Variants in RGS7 observed in about 807,000 individuals in gnomAD.
RGS7 encodes regulator of G protein signaling 7.
Under a neutral mutation model 81.1 loss-of-function variants are expected in RGS7, and 27 were observed. That is an observed-to-expected ratio of 0.33 (90% confidence interval 0.25 to 0.46). The LOEUF is 0.46. Ranked by LOEUF, RGS7 falls within the 20% of genes least tolerant of loss-of-function variation. The probability of loss-of-function intolerance (pLI) is 1.00; values close to 1 mark genes in which losing one functional copy is unlikely to be tolerated. For missense variants in RGS7, 396 were observed against 607.4 expected, an observed-to-expected ratio of 0.65 and a Z score of 3.66; for synonymous variants, 208 against 207.7, an observed-to-expected ratio of 1.00 and a Z score of -0.01.
At chr1:240,876,772 A>G (rs537495624) in intron 6 of RGS7, among the ~76,000 whole-genome samples, 7 of 152,164 alleles carry the variant, frequency 4.6e-5, no homozygotes, top group African/African-American at 1.4e-4. Context: ...ACCAGCCTGG[A>G]TAACATGGTG....
At chr1:240,877,956 G>T (rs1665725098) in intron 6 of RGS7, among the ~76,000 whole-genome samples, 1 of 152,104 alleles carries the variant, frequency 6.6e-6, no homozygotes, top group East Asian at 1.9e-4. Context: ...GATAGTCAGT[G>T]TACTCAAAAC....
Position 240,793,602 on chromosome 1 carries a change from TATA to T in RGS7, c.*6+7036_*6+7038del, listed in dbSNP as rs1475436617. Among the ~76,000 whole-genome samples the T allele has an allele frequency of 6.8e-4, 72 of 106,158 alleles. No individual in the cohort carries two copies. In the East Asian group the frequency reaches 9.0e-3, roughly 13 times the overall value. The allele number at this position is 106,158 out of a possible 152,430, so 69.6% of individuals were successfully genotyped here. A position where few individuals can be genotyped will look rare whatever the true frequency, so the allele number is the denominator to read the frequency against. ...TGTAGTAGGAATATATATATATATA[TATA>T]TATATATTTTTTTTTTTTTTTTGAG... On this transcript the variant is annotated intron_variant, in intron 18 of 18. Coordinates refer to ENST00000440928, the MANE Select transcript of RGS7 (RefSeq NM_001364886.1).
intron 3 of RGS7, among the ~76,000 whole-genome samples, chr1:240,993,093 A>AG (rs1553378564): frequency 5.9e-5 from 5 of 85,452 alleles, no homozygotes; most frequent in Admixed American, 1.3e-4. Flanking sequence ...GAAGGAAGGA[A>AG]GGAGGGAGGG....
intron 2 of RGS7, among the ~76,000 whole-genome samples, chr1:241,125,567 G>A (rs913691812): frequency 6.6e-6 from 1 of 152,096 alleles, no homozygotes; most frequent in African/African-American, 2.4e-5. Context: ...AATATGCTCT[G>A]CAAGGAATTT....
Position 241,220,977 on chromosome 1 carries a change from GGA to G in RGS7, c.79-122217_79-122216del, listed in dbSNP as rs1558202956. 2.0e-3 allele frequency among the ~76,000 whole-genome samples: 147 copies of G among 74,048 alleles called. 9 individuals are homozygous for G. In the East Asian group the frequency reaches 0.053, roughly 27 times the overall value. The allele number at this position is 74,048 out of a possible 152,430, so 48.6% of individuals were successfully genotyped here. A position where few individuals can be genotyped will look rare whatever the true frequency, so the allele number is the denominator to read the frequency against. On this transcript the variant is annotated intron_variant, in intron 2 of 18. Coordinates refer to ENST00000440928, the MANE Select transcript of RGS7 (RefSeq NM_001364886.1). ...AGGAAGGAAGGAAGGAAGGAAGGAA[GGA>G]AGGAAGGAAGGAAGGAAGAGAGAGA...
At chr1:240,823,973 G>A (rs773623203) in intron 10 of RGS7, among the ~76,000 whole-genome samples, 26 of 152,074 alleles carry the variant, frequency 1.7e-4, no homozygotes, top group Non-Finnish European at 3.1e-4. Context: ...TTCTGGCTAT[G>A]CTACATTATC....
At chr1:241,191,441 T>C (rs2072646234) in intron 2 of RGS7, among the ~76,000 whole-genome samples, 1 of 152,262 alleles carries the variant, frequency 6.6e-6, no homozygotes, top group Non-Finnish European at 1.5e-5. Context: ...TGAATCATCC[T>C]TGCATTTCTA....
chr1:241,246,100 T>C lies in RGS7; in HGVS notation c.78+109599A>G, dbSNP rs566502411. ...GCCTGGGGGACAGAGCGAGACTCTG[T>C]CTCAAAAATAAATAAATAAAAAACC... On this transcript the variant is annotated intron_variant, in intron 2 of 18. Transcript: ENST00000440928. Among the ~76,000 whole-genome samples, 4 of 152,090 alleles carry C rather than the reference T, an allele frequency of 2.6e-5. No individual in the cohort carries two copies. In the East Asian group the frequency reaches 5.8e-4, roughly 22 times the overall value.
chr1:241,073,855 C>T (rs1464694896), intron 3 of RGS7, among the ~76,000 whole-genome samples: 1 of 151,540 alleles, frequency 6.6e-6, no homozygotes. Flanking sequence ...CGTACCTTAG[C>T]GATAAAAGTA....
At chr1:240,915,561 A>C (rs1672468467) in intron 6 of RGS7, among the ~76,000 whole-genome samples, 1 of 152,214 alleles carries the variant, frequency 6.6e-6, no homozygotes, top group Non-Finnish European at 1.5e-5. Context: ...AGGAGATGTT[A>C]GCCTCTAAAG....
chr1:241,259,667 A>AAAAAAAAAAAAAAAAAAAAATAT, intron 2 of RGS7, among the ~76,000 whole-genome samples: 21 of 49,138 alleles, frequency 4.3e-4, no homozygotes, highest in Non-Finnish European at 5.8e-4. Flanking sequence ...AAAAAAAAAA[A>AAAAAAAAAAAAAAAAAAAAATAT]ATATATATAT....
intron 3 of RGS7, among the ~76,000 whole-genome samples, chr1:241,087,974 C>CTA (rs1267222305): frequency 7.5e-4 from 87 of 115,994 alleles, no homozygotes; most frequent in East Asian, 4.7e-3. Context: ...CTCTCTCTCT[C>CTA]TCTATATATA....
At chr1:241,180,160 G>A (rs1430083043) in intron 2 of RGS7, among the ~76,000 whole-genome samples, 1 of 152,012 alleles carries the variant, frequency 6.6e-6, no homozygotes, top group Non-Finnish European at 1.5e-5. Context: ...GGATCACGAG[G>A]TCAGATCGAG....
intron 3 of RGS7, among the ~76,000 whole-genome samples, chr1:240,998,009 T>A (rs1687553930): frequency 6.6e-6 from 1 of 152,180 alleles, no homozygotes; most frequent in South Asian, 2.1e-4. Context: ...ATTCTCTCAG[T>A]TTTCCTTCAT....
At chr1:240,896,805 T>C (rs550172613) in intron 6 of RGS7, among the ~76,000 whole-genome samples, 1 of 152,352 alleles carries the variant, frequency 6.6e-6, no homozygotes, top group South Asian at 2.1e-4. Context: ...AAGTAGTTTT[T>C]TCCAGTTCTG....
In RGS7 at chr1:241,328,922, T is replaced by C. The variant is rs769204710; in HGVS notation, c.78+26777A>G. On this transcript the variant is annotated intron_variant, in intron 2 of 18. Coordinates refer to ENST00000440928, the MANE Select transcript of RGS7 (RefSeq NM_001364886.1). ...ATAGCATGATTTTTTTTTTCTTCTC[T>C]GCAATACCTATGCACAAACTTGTAT... Among the ~76,000 whole-genome samples the C allele has an allele frequency of 3.9e-5, 6 of 152,314 alleles. No homozygotes were observed. The South Asian group carries it at 6.2e-4, about 16-fold the overall frequency.
At chr1:240,951,193 T>A (rs1204726948) in intron 4 of RGS7, among the ~76,000 whole-genome samples, 2 of 152,162 alleles carry the variant, frequency 1.3e-5, no homozygotes, top group East Asian at 1.9e-4. Context: ...GTGCTGGGAT[T>A]ATAGGCATGA....
chr1:241,187,246 C>G (rs993709130), intron 2 of RGS7, among the ~76,000 whole-genome samples: 1 of 151,942 alleles, frequency 6.6e-6, no homozygotes, highest in Non-Finnish European at 1.5e-5. Flanking sequence ...GAACATCCAC[C>G]AAGATTCTAC....
At chr1:240,990,427 G>A (rs985449688) in intron 3 of RGS7, among the ~76,000 whole-genome samples, 8 of 152,174 alleles carry the variant, frequency 5.3e-5, no homozygotes, top group African/African-American at 1.7e-4. Context: ...GTCCCGTAAA[G>A]CAGAGTAGGA....
Sources: allele counts gnomAD v4.1 joint callset (sites outside exome capture counted in the v4.1 genomes callset), GRCh38; gene constraint gnomAD v4.1.1; transcripts MANE v1.5; gene names NCBI Gene and HGNC (gene_info 2026-07-23, HGNC 2026-07-21).